The following CNTN4 variants were observed in gnomAD, a reference collection of about 807,000 sequenced individuals.
CNTN4 encodes contactin 4.
Under a neutral mutation model 122.5 loss-of-function variants are expected in CNTN4, and 77 were observed. That is an observed-to-expected ratio of 0.63 (90% confidence interval 0.52 to 0.76). CNTN4 has a LOEUF of 0.76. Among genes scored for constraint, CNTN4 ranks in the 30% least tolerant of loss-of-function variants. CNTN4 has a pLI of 0.00. For missense variants in CNTN4, 1,256 were observed against 1,259.1 expected, an observed-to-expected ratio of 1.00 and a Z score of 0.04; for synonymous variants, 512 against 447.0, an observed-to-expected ratio of 1.15 and a Z score of -1.83.
chr3:2,665,120 G>A (rs1040408988), intron 4 of CNTN4, among the ~76,000 whole-genome samples: 4 of 152,190 alleles, frequency 2.6e-5, no homozygotes, highest in Non-Finnish European at 5.9e-5. Flanking sequence ...GACTGATGAT[G>A]TAGGACACCC....
rs1577020209 is a variant in CNTN4, at chr3:2,841,858, A to C, written c.454+22277A>C. Among the ~76,000 whole-genome samples, 2 of 152,306 alleles carry C rather than the reference A, an allele frequency of 1.3e-5. No homozygotes were observed. The highest frequency in any genetic ancestry group is 3.9e-4 in the East Asian group (2 of 5,188). ...AGATTTAGTCCTAGGAGTAGGATCT[A>C]ATCTTTTATATCACAGTAAGAAGCT... On this transcript the variant is annotated intron_variant, in intron 7 of 24. Transcript: ENST00000418658. This position sits in a 1 kb window ranked among gnomAD's most constrained non-coding sequence, Gnocchi z 4.8.
At chr3:2,334,342 A>G (rs1238711682) in intron 2 of CNTN4, among the ~76,000 whole-genome samples, 1 of 152,148 alleles carries the variant, frequency 6.6e-6, no homozygotes, top group Non-Finnish European at 1.5e-5. Flanking sequence ...TATTTTTAGT[A>G]GAGATGGGGT....
At chr3:2,269,449 G>A (rs2041179528) in intron 2 of CNTN4, among the ~76,000 whole-genome samples, 1 of 152,066 alleles carries the variant, frequency 6.6e-6, no homozygotes, top group South Asian at 2.1e-4. Flanking sequence ...TGGGTGCTGG[G>A]TACTGATTAG....
chr3:2,140,569 C>G (rs1407255014), intron 2 of CNTN4, among the ~76,000 whole-genome samples: 1 of 152,114 alleles, frequency 6.6e-6, no homozygotes, highest in Non-Finnish European at 1.5e-5. Flanking sequence ...TCTCTGCAGC[C>G]TCTTTTATAA....
At chr3:2,819,834 A>G (rs981154859) in intron 7 of CNTN4, among the ~76,000 whole-genome samples, 2 of 151,678 alleles carry the variant, frequency 1.3e-5, no homozygotes, top group Non-Finnish European at 2.9e-5. Context: ...CAAAATCATA[A>G]TGCTGTTGCT....
chr3:2,481,764 T>G (rs2076013543), intron 3 of CNTN4, among the ~76,000 whole-genome samples: 1 of 152,106 alleles, frequency 6.6e-6, no homozygotes, highest in Non-Finnish European at 1.5e-5. Context: ...CTCATGTTAG[T>G]GAGTTCTCAA....
chr3:2,973,921 A>G (rs1169633959), intron 13 of CNTN4, among the ~76,000 whole-genome samples: 1 of 152,232 alleles, frequency 6.6e-6, no homozygotes, highest in Non-Finnish European at 1.5e-5. Context: ...AGGTTGAAAT[A>G]GATGTGTGTT....
chr3:2,399,164 C>G (rs2046749463), intron 3 of CNTN4, among the ~76,000 whole-genome samples: 2 of 152,022 alleles, frequency 1.3e-5, no homozygotes, highest in South Asian at 4.2e-4. Flanking sequence ...TTTCCCCACC[C>G]AATATCTGTG....
At chr3:2,847,576 G>T (rs998811141) in intron 7 of CNTN4, among the ~76,000 whole-genome samples, 6 of 152,210 alleles carry the variant, frequency 3.9e-5, no homozygotes, top group Non-Finnish European at 7.3e-5. Flanking sequence ...CGGCCCTGCT[G>T]CAGGCACACG....
At chr3:2,461,080 C>A (rs2049188756) in intron 3 of CNTN4, among the ~76,000 whole-genome samples, 1 of 152,086 alleles carries the variant, frequency 6.6e-6, no homozygotes, top group Admixed American at 6.6e-5. Flanking sequence ...AGACTAGTAA[C>A]CCACCTTACC....
At chr3:2,167,477 C>T (rs1385556421) in intron 2 of CNTN4, among the ~76,000 whole-genome samples, 1 of 152,104 alleles carries the variant, frequency 6.6e-6, no homozygotes, top group Non-Finnish European at 1.5e-5. Context: ...CTTTTGTGCA[C>T]TGAAGGACAC....
intron 3 of CNTN4, among the ~76,000 whole-genome samples, chr3:2,366,297 A>C (rs2045374245): frequency 6.6e-6 from 1 of 152,216 alleles, no homozygotes; most frequent in Non-Finnish European, 1.5e-5. Context: ...TAATGTTGTC[A>C]ATTTCATATA....
At chr3:2,802,357 CA>C (rs1253230865) in intron 6 of CNTN4, among the ~76,000 whole-genome samples, 1 of 152,212 alleles carries the variant, frequency 6.6e-6, no homozygotes, top group Non-Finnish European at 1.5e-5. Flanking sequence ...TCTAGGTGTA[CA>C]AACAAGTGAG....
intron 6 of CNTN4, among the ~76,000 whole-genome samples, chr3:2,815,668 AGT>A (rs2092709527): frequency 6.6e-6 from 1 of 152,138 alleles, no homozygotes; most frequent in African/African-American, 2.4e-5. Flanking sequence ...TATGGAAAAC[AGT>A]GTGGATATTC....
At position 2,550,426 on chromosome 3, in the gene CNTN4, T is replaced by C. The variant is rs369513378; in HGVS notation, c.-88-20990T>C. On this transcript the variant is annotated intron_variant, in intron 3 of 24. Transcript: ENST00000418658. ...TACCATCTCACACCAGTTAGAATGG[T>C]GATCATTAAAAAGTCAGGAAACAGC... Among the ~76,000 whole-genome samples the C allele has an allele frequency of 1.1e-3, 160 of 152,114 alleles. 1 individual carries two copies. The highest frequency in any genetic ancestry group is 7.1e-3 in the South Asian group (34 of 4,818).
At chr3:2,633,833 C>G (rs186881311) in intron 4 of CNTN4, among the ~76,000 whole-genome samples, 28 of 152,230 alleles carry the variant, frequency 1.8e-4, no homozygotes, top group Non-Finnish European at 3.5e-4. Flanking sequence ...AGCATTTGCT[C>G]GTCACTTGTC....
At chr3:2,729,620 T>C (rs1007227651) in intron 4 of CNTN4, among the ~76,000 whole-genome samples, 1 of 149,958 alleles carries the variant, frequency 6.7e-6, no homozygotes, top group African/African-American at 2.5e-5. Flanking sequence ...GTTTTAAAAC[T>C]TTAGAATGCA....
intron 4 of CNTN4, among the ~76,000 whole-genome samples, chr3:2,600,757 A>G (rs1246174899): frequency 3.9e-5 from 6 of 152,164 alleles, no homozygotes; most frequent in Non-Finnish European, 2.9e-5. Flanking sequence ...CTAGTTCTAG[A>G]TCCTTGAGGA....
At chr3:3,037,564 T>A (rs1242430942) in intron 18 of CNTN4, 5 of 527,700 alleles carry the variant, frequency 9.5e-6, no homozygotes, top group Non-Finnish European at 1.7e-5. Context: ...AGACACACGG[T>A]GCTTAGTCCT....
Sources: gnomAD v4.1 joint callset for allele counts (sites outside exome capture counted in the v4.1 genomes callset) on GRCh38, gnomAD v4.1.1 for gene constraint, Gnocchi (gnomAD v3.1) non-coding constraint, MANE v1.5 for transcripts, NCBI Gene and HGNC (gene_info 2026-07-23, HGNC 2026-07-21) for gene names.